C11orf65: variants seen among roughly 807,000 people sequenced by gnomAD.
The protein encoded by C11orf65 is chromosome 11 open reading frame 65.
C11orf65 carries 38 observed loss-of-function variants against 35.3 expected under a neutral mutation model. The ratio of observed to expected loss-of-function variants is 1.08; its 90% CI spans 0.83 to 1.41. C11orf65 has a LOEUF of 1.41. C11orf65 is among the 40% of genes most tolerant of loss of function. The pLI, the probability that C11orf65 is intolerant of heterozygous loss-of-function variation, is 0.00. For missense variants in C11orf65, 370 were observed against 367.1 expected, an observed-to-expected ratio of 1.01 and a Z score of -0.06; for synonymous variants, 105 against 114.4, an observed-to-expected ratio of 0.92 and a Z score of 0.53.
chr11:108,458,355 CAAAAAAAAAAAAAA>C (rs755107073), intron 2 of C11orf65, among the ~76,000 whole-genome samples: 1 of 35,862 alleles, frequency 2.8e-5, no homozygotes, highest in Non-Finnish European at 5.3e-5. Context: ...GACTCTGTCT[CAAAAAAAAAAAAAA>C]AAAAAAAAAG....
chr11:108,309,490 T>A (rs2083964154), intron 6 of C11orf65, among the ~76,000 whole-genome samples: 1 of 152,192 alleles, frequency 6.6e-6, no homozygotes, highest in African/African-American at 2.4e-5. Context: ...AGAAGTTAAG[T>A]TGCTGAAGAT....
chr11:108,320,287 T>C (rs537370665), intron 6 of C11orf65, among the ~76,000 whole-genome samples: 2 of 152,200 alleles, frequency 1.3e-5, no homozygotes, highest in Non-Finnish European at 2.9e-5. Context: ...TTTTGGTGAT[T>C]CCCTCTTTGT....
At chr11:108,449,618 C>T (rs978220300) in intron 2 of C11orf65, among the ~76,000 whole-genome samples, 1 of 151,890 alleles carries the variant, frequency 6.6e-6, no homozygotes, top group East Asian at 1.9e-4. Flanking sequence ...TTCCTTACAC[C>T]TGATACAAAA....
At position 108,309,121 on chromosome 11, in the gene C11orf65, C is replaced by G. The variant is rs1355740492; in HGVS notation, c.641-50G>C. The G allele has an allele frequency of 4.9e-6, 5 of 1,024,372 alleles. No homozygotes were observed. In the South Asian group the frequency reaches 5.5e-5, roughly 11 times the overall value. 63.5% of individuals were successfully genotyped at this position (1,024,372 alleles called of 1,614,324 possible). On this transcript the variant is annotated intron_variant, in intron 6 of 6. Transcript: ENST00000525729. ...AGAAAAACGGGTAAAGACATGCATT[C>G]AAGTCCAAGCTTGTGCTGTGTAAAA...
At chr11:108,344,241 C>T (rs2087991486) in intron 2 of C11orf65, among the ~76,000 whole-genome samples, 1 of 152,040 alleles carries the variant, frequency 6.6e-6, no homozygotes, top group Admixed American at 6.6e-5. Context: ...CTTAGTTCTG[C>T]CTGGGGTGGG....
At chr11:108,334,858 A>G (rs1292185481) in intron 3 of C11orf65, 8 of 1,310,314 alleles carry the variant, frequency 6.1e-6, no homozygotes, top group Admixed American at 3.7e-5. Flanking sequence ...CCACTATCAC[A>G]TCGTCATTTG....
intron 3 of C11orf65, among the ~76,000 whole-genome samples, chr11:108,430,896 GAACACACACA>G (rs1454003843): frequency 1.2e-5 from 1 of 82,138 alleles, no homozygotes; most frequent in Non-Finnish European, 2.4e-5. Context: ...TAAGGATAGG[GAACACACACA>G]CACACACACA....
At chr11:108,464,495 GGC>G (rs1455403284) in intron 1 of C11orf65, among the ~76,000 whole-genome samples, 7 of 152,178 alleles carry the variant, frequency 4.6e-5, no homozygotes, top group South Asian at 2.1e-4. Context: ...CCAAGTAGCT[GGC>G]ACTACAGGTG....
chr11:108,330,083 C>T, downstream of C11orf65: 2 of 901,422 alleles, frequency 2.2e-6, no homozygotes, highest in Non-Finnish European at 3.5e-6. Flanking sequence ...CCTTTATAAT[C>T]CTTAGAAGTT....
downstream of C11orf65, chr11:108,327,679 G>A (rs876658563): frequency 1.9e-6 from 3 of 1,613,968 alleles, no homozygotes; most frequent in East Asian, 6.7e-5. Context: ...TACACAGAAT[G>A]TCTGAGGGTT....
chr11:108,436,162 G>A lies in C11orf65; in HGVS notation c.82-4324C>T, dbSNP rs113237869. Reference sequence around the variant, plus strand: ...GAAGGGCATAATGAGCCAAGGATGCGGGCAACTTCTAGAAGGAGGAAAAGG... The same window carrying A: ...GAAGGGCATAATGAGCCAAGGATGCAGGCAACTTCTAGAAGGAGGAAAAGG... On this transcript the variant is annotated intron_variant, in intron 2 of 8. Transcript: ENST00000393084. Among the ~76,000 whole-genome samples, 626 of 152,008 alleles carry A rather than the reference G, an allele frequency of 4.1e-3. 2 individuals are homozygous for A. The highest frequency in any genetic ancestry group is 0.024 in the Middle Eastern group (7 of 292).
chr11:108,425,766 G>GA (rs2092892796), intron 3 of C11orf65, among the ~76,000 whole-genome samples: 1 of 152,108 alleles, frequency 6.6e-6, no homozygotes, highest in Non-Finnish European at 1.5e-5. Flanking sequence ...CTGGCAAACC[G>GA]AATCTAGCAG....
intron 2 of C11orf65, chr11:108,364,961 G>T: frequency 1.8e-6 from 2 of 1,110,190 alleles, no homozygotes; most frequent in South Asian, 1.4e-5. Context: ...CATGATGTTT[G>T]TTCCCCTCCC....
chr11:108,463,695 T>A (rs376467719), intron 1 of C11orf65, among the ~76,000 whole-genome samples: 2 of 152,182 alleles, frequency 1.3e-5, no homozygotes, highest in East Asian at 1.9e-4. Flanking sequence ...TAGGATTAAG[T>A]CAGATAACAC....
intron 3 of C11orf65, among the ~76,000 whole-genome samples, chr11:108,429,826 T>C (rs1010731524): frequency 3.3e-5 from 5 of 152,202 alleles, no homozygotes; most frequent in Non-Finnish European, 7.4e-5. Flanking sequence ...AGGAAAGAAA[T>C]CCCGCAATAA....
chr11:108,327,474 A>T, downstream of C11orf65: 1 of 585,150 alleles, frequency 1.7e-6, no homozygotes, highest in East Asian at 3.0e-5. Flanking sequence ...ATCATTTCCT[A>T]CATGGGATTA....
intron 5 of C11orf65, 76 bp from the exon 6 acceptor site, chr11:108,405,635 T>C: frequency 7.0e-7 from 1 of 1,423,356 alleles, no homozygotes; most frequent in Non-Finnish European, 9.8e-7. Flanking sequence ...GACAAGAACT[T>C]CTATGTGTTC....
At chr11:108,386,124 T>G (rs534942936) in intron 7 of C11orf65, 149 bp from the exon 8 acceptor site, 1 of 665,538 alleles carries the variant, frequency 1.5e-6, no homozygotes, top group South Asian at 1.9e-5. Context: ...TTTCTCACCT[T>G]CTAGTAGCTC....
chr11:108,459,232 GATTTTTC>G (rs920544058), intron 2 of C11orf65, among the ~76,000 whole-genome samples: 2 of 152,074 alleles, frequency 1.3e-5, no homozygotes, highest in Non-Finnish European at 2.9e-5. Context: ...TAGTTCATTT[GATTTTTC>G]ATTTTTCATT....
Sources: allele counts gnomAD v4.1 joint callset (sites outside exome capture counted in the v4.1 genomes callset), GRCh38; gene constraint gnomAD v4.1.1; transcripts MANE v1.5; gene names NCBI Gene and HGNC (gene_info 2026-07-23, HGNC 2026-07-21).